Variants in PRKN observed in about 807,000 individuals in gnomAD.
PRKN encodes the protein E3 ubiquitin-protein ligase parkin.
Under a neutral mutation model 59.5 loss-of-function variants are expected in PRKN, and 56 were observed. The observed-to-expected ratio is 0.94, with a 90% CI of 0.76 to 1.18. PRKN has a LOEUF of 1.18. PRKN is among the 50% of genes most tolerant of loss of function. PRKN has a pLI of 0.00. For synonymous variants in PRKN, 250 were observed against 222.1 expected (o/e 1.13, Z -1.12); for missense variants, 657 against 596.4 (o/e 1.10, Z -1.06).
rs1779896923 is a variant in PRKN, at chr6:161,548,988, G to A, written c.949C>T (p.Gln317Ter). The A allele has an allele frequency of 6.2e-7, 1 of 1,614,168 alleles. No individual in the cohort carries two copies. Among genetic ancestry groups the A allele is most frequent in the Non-Finnish European group, 8.5e-7 (1 of 1,180,016 alleles). The change falls in exon 9 of 12, where the codon CAG (glutamine) becomes TAG (stop). Residue 317 changes from glutamine (Q) to a stop codon, truncating the protein, a stop_gained. Coordinates refer to ENST00000366898, the MANE Select transcript of PRKN (RefSeq NM_004562.3). LOFTEE classifies it high-confidence loss of function. The surrounding 1 kb of genome is among the most constrained non-coding windows in gnomAD (Gnocchi z 4.2). ...AGGACACACTCCTCTGCACCATACT[G>A]CTGGTACCGGTTGTACTGCAAAACC... ...LGEEQYNRYQ[Q>*]YGAEECVLQM...
intron 9 of PRKN, among the ~76,000 whole-genome samples, chr6:161,485,770 G>A (rs1013066794): frequency 1.3e-5 from 2 of 151,744 alleles, no homozygotes; most frequent in Admixed American, 6.6e-5. Flanking sequence ...ATAATCTGGA[G>A]ACTTAGAACA....
intron 7 of PRKN, among the ~76,000 whole-genome samples, chr6:161,782,040 G>C (rs1028160594): frequency 2.0e-5 from 3 of 152,208 alleles, no homozygotes; most frequent in Non-Finnish European, 4.4e-5. Context: ...TTTTCCCTTT[G>C]GTGCAGTAAC....
chr6:162,469,245 C>T (rs960881572), intron 1 of PRKN, among the ~76,000 whole-genome samples: 2 of 148,162 alleles, frequency 1.3e-5, no homozygotes, highest in Non-Finnish European at 3.0e-5. Flanking sequence ...TCAGAGGAGG[C>T]GGTCGAGATG....
At chr6:161,906,258 A>G (rs1435875902) in intron 6 of PRKN, among the ~76,000 whole-genome samples, 1 of 152,238 alleles carries the variant, frequency 6.6e-6, no homozygotes, top group Non-Finnish European at 1.5e-5. Flanking sequence ...TGCATGGAAG[A>G]TAACAATTTC....
At chr6:161,743,898 G>A (rs1001674129) in intron 7 of PRKN, among the ~76,000 whole-genome samples, 8 of 152,054 alleles carry the variant, frequency 5.3e-5, no homozygotes, top group African/African-American at 1.9e-4. Flanking sequence ...TAATTCTTAC[G>A]TGCCTGTGCT....
At chr6:162,656,148 C>A (rs559506394) in intron 1 of PRKN, among the ~76,000 whole-genome samples, 1 of 152,156 alleles carries the variant, frequency 6.6e-6, no homozygotes, top group African/African-American at 2.4e-5. Flanking sequence ...AGGTGGCATT[C>A]GCTAACAAGA....
Position 161,483,638 on chromosome 6 carries a change from C to T in PRKN, c.1083+65216G>A, listed in dbSNP as rs781397027. 2.0e-5 allele frequency among the ~76,000 whole-genome samples: 3 copies of T among 152,142 alleles called. No individual in the cohort carries two copies. Among genetic ancestry groups the T allele is most frequent in the Non-Finnish European group, 2.9e-5 (2 of 68,034 alleles). ...ACATCTACATTAATGCCCCTCATCC[C>T]CAATAGAGAGCACATTGGTAGCTCA... On this transcript the variant is annotated intron_variant, in intron 9 of 11. Transcript: ENST00000366898. The surrounding 1 kb of genome is among the most constrained non-coding windows in gnomAD (Gnocchi z 5.0).
intron 1 of PRKN, among the ~76,000 whole-genome samples, chr6:162,702,053 T>A (rs1584078604): frequency 6.6e-6 from 1 of 152,120 alleles, no homozygotes; most frequent in East Asian, 1.9e-4. Context: ...GAACTAAACA[T>A]CTCCTTTAAA....
intron 1 of PRKN, among the ~76,000 whole-genome samples, chr6:162,691,691 C>T (rs1777780184): frequency 6.6e-6 from 1 of 152,144 alleles, no homozygotes; most frequent in South Asian, 2.1e-4. Context: ...TGACATACTT[C>T]TCATACTCAT....
chr6:162,693,719 T>G (rs1395002668), intron 1 of PRKN, among the ~76,000 whole-genome samples: 1 of 152,150 alleles, frequency 6.6e-6, no homozygotes, highest in African/African-American at 2.4e-5. Context: ...CTCAGACAAT[T>G]TTTGTGCATA....
chr6:162,165,053 T>C (rs991649203), intron 4 of PRKN, among the ~76,000 whole-genome samples: 7 of 147,780 alleles, frequency 4.7e-5, no homozygotes, highest in Non-Finnish European at 9.0e-5. Flanking sequence ...GGCTCAGAAA[T>C]AGACCTACAC....
intron 6 of PRKN, among the ~76,000 whole-genome samples, chr6:161,790,551 T>G (rs1329388026): frequency 6.6e-6 from 1 of 152,126 alleles, no homozygotes; most frequent in Non-Finnish European, 1.5e-5. Flanking sequence ...AGAGCCCTCA[T>G]GAATAAAATG....
intron 2 of PRKN, among the ~76,000 whole-genome samples, chr6:162,395,903 G>A (rs768365360): frequency 5.3e-5 from 8 of 152,304 alleles, no homozygotes; most frequent in South Asian, 4.1e-4. Context: ...TTTAAATTCT[G>A]TCTTCCTCAG....
intron 4 of PRKN, among the ~76,000 whole-genome samples, chr6:162,075,704 A>AT (rs1778793508): frequency 1.3e-5 from 2 of 152,052 alleles, no homozygotes; most frequent in African/African-American, 4.8e-5. Flanking sequence ...AGCTGGCTAG[A>AT]TAAGGACTTA....
rs1169338793 is a variant in PRKN, at chr6:161,357,066, T to TTG, written c.1285+3021_1285+3022insCA. Among the ~76,000 whole-genome samples the TTG allele has an allele frequency of 1.3e-5, 2 of 149,518 alleles. No homozygotes were observed. The highest frequency in any genetic ancestry group is 3.0e-5 in the Non-Finnish European group (2 of 67,360). On this transcript the variant is annotated intron_variant, in intron 11 of 11. Coordinates refer to ENST00000366898, the MANE Select transcript of PRKN (RefSeq NM_004562.3). This position sits in a 1 kb window ranked among gnomAD's most constrained non-coding sequence, Gnocchi z 5.5. ...CCACTTCCTTTTTTTTTTTTTTTTT[T>TTG]TTTGAGACAGAGTCTTGCTCTGTCA...
At position 161,561,567 on chromosome 6, in the gene PRKN, C is replaced by A. The variant is rs141902152; in HGVS notation, c.933+7788G>T. On this transcript the variant is annotated intron_variant, in intron 8 of 11. Transcript: ENST00000366898. The surrounding 1 kb of genome is among the most constrained non-coding windows in gnomAD (Gnocchi z 5.0). ...TCACATCCCTGCAACTATGAACACACCTGCACCTGCACTCACCCTCTCCAG... is the reference window on the plus strand; with the variant it reads ...TCACATCCCTGCAACTATGAACACAACTGCACCTGCACTCACCCTCTCCAG... Among the ~76,000 whole-genome samples the A allele has an allele frequency of 7.1e-3, 1,083 of 152,262 alleles. 20 individuals carry two copies. Among genetic ancestry groups the A allele is most frequent in the African/African-American group, 0.025 (1,037 of 41,548 alleles).
chr6:162,473,229 A>T lies in PRKN; in HGVS notation c.8-29756T>A, dbSNP rs78075306. On this transcript the variant is annotated intron_variant, in intron 1 of 11. Coordinates refer to ENST00000366898, the MANE Select transcript of PRKN (RefSeq NM_004562.3). The stretch of plus-strand genomic sequence containing the variant: ...CACAACTGGATATTTCAAGTATGGA[A>T]GCACCATGATGTGAAGCAAAGATGG... Among the ~76,000 whole-genome samples the T allele has an allele frequency of 3.1e-3, 478 of 152,316 alleles. 4 individuals carry two copies. Among genetic ancestry groups the T allele is most frequent in the African/African-American group, 0.011 (462 of 41,568 alleles).
intron 9 of PRKN, among the ~76,000 whole-genome samples, chr6:161,490,826 C>T (rs377377317): frequency 4.6e-5 from 7 of 152,092 alleles, no homozygotes; most frequent in South Asian, 2.1e-4. Context: ...ACCATCCCAT[C>T]GGTGCTGTTC....
chr6:161,701,745 T>C (rs892895474), intron 7 of PRKN, among the ~76,000 whole-genome samples: 1 of 152,228 alleles, frequency 6.6e-6, no homozygotes, highest in Non-Finnish European at 1.5e-5. Context: ...TGTGTATATA[T>C]TTCACATAAA....
Sources: allele counts gnomAD v4.1 joint callset (sites outside exome capture counted in the v4.1 genomes callset), GRCh38; gene constraint gnomAD v4.1.1; non-coding constraint Gnocchi (gnomAD v3.1); transcripts MANE v1.5; gene names NCBI Gene and HGNC (gene_info 2026-07-23, HGNC 2026-07-21).